Variants in FERRY3 observed in about 807,000 individuals in gnomAD.
The protein encoded by FERRY3 is protein C12orf4.
the FERRY3 span, among the ~76,000 whole-genome samples, chr12:4,520,166 TTAGAA>T: frequency 6.6e-6 from 1 of 152,174 alleles, no homozygotes; most frequent in Non-Finnish European, 1.5e-5. Context: ...GCATATCAAG[TTAGAA>T]TAGGTCGGAG....
chr12:4,533,492 T>C, the FERRY3 span, among the ~76,000 whole-genome samples: 1 of 152,186 alleles, frequency 6.6e-6, no homozygotes, highest in Non-Finnish European at 1.5e-5. Flanking sequence ...ATAAATACAA[T>C]GGATATTTTT....
At chr12:4,502,916 G>A in the FERRY3 span, among the ~76,000 whole-genome samples, 5 of 152,256 alleles carry the variant, frequency 3.3e-5, no homozygotes, top group Admixed American at 6.5e-5. This position sits in a 1 kb window ranked among gnomAD's most constrained non-coding sequence, Gnocchi z 4.2. Context: ...AAGAAAATTC[G>A]TGAGGAATAG....
the FERRY3 span, among the ~76,000 whole-genome samples, chr12:4,506,694 T>C: frequency 1.3e-5 from 2 of 152,170 alleles, no homozygotes; most frequent in African/African-American, 4.8e-5. Context: ...CCTTGTTTAG[T>C]AATAGTAAGA....
the FERRY3 span, among the ~76,000 whole-genome samples, chr12:4,496,336 T>C: frequency 2.6e-5 from 4 of 152,190 alleles, no homozygotes; most frequent in African/African-American, 7.2e-5. Context: ...AGGAGCTCAC[T>C]TCTGGAAACA....
chr12:4,500,094 G>T, the FERRY3 span: 1 of 1,536,038 alleles, frequency 6.5e-7, no homozygotes, highest in Non-Finnish European at 9.0e-7. Context: ...TCAATATTAT[G>T]ATTATGTAAA....
the FERRY3 span, among the ~76,000 whole-genome samples, chr12:4,503,899 A>G: frequency 6.6e-6 from 1 of 152,254 alleles, no homozygotes; most frequent in African/African-American, 2.4e-5. Context: ...CTTCCAGAGT[A>G]GTAATAAGAT....
chr12:4,511,164 G>A, the FERRY3 span, among the ~76,000 whole-genome samples: 6 of 151,372 alleles, frequency 4.0e-5, no homozygotes, highest in African/African-American at 1.5e-4. Flanking sequence ...TAATGGTAAA[G>A]GGATCAATTC....
the FERRY3 span, among the ~76,000 whole-genome samples, chr12:4,514,196 T>C: frequency 6.6e-6 from 1 of 151,074 alleles, no homozygotes; most frequent in Non-Finnish European, 1.5e-5. Flanking sequence ...CACAATGAGA[T>C]ACCATCTCAC....
chr12:4,509,659 G>T, the FERRY3 span, among the ~76,000 whole-genome samples: 2 of 143,506 alleles, frequency 1.4e-5, no homozygotes, highest in Admixed American at 6.8e-5. Flanking sequence ...ACACGGCAGG[G>T]TATTCCAACA....
At chr12:4,516,057 T>A in the FERRY3 span, among the ~76,000 whole-genome samples, 2 of 152,162 alleles carry the variant, frequency 1.3e-5, no homozygotes, top group Admixed American at 6.5e-5. Context: ...GATTTTTTTT[T>A]AAAAGAACCA....
At chr12:4,517,984 G>A in the FERRY3 span, 1 of 1,400,458 alleles carries the variant, frequency 7.1e-7, no homozygotes, top group Non-Finnish European at 9.9e-7. Flanking sequence ...CATTTTCCCT[G>A]TAATTCCTTT....
the FERRY3 span, among the ~76,000 whole-genome samples, chr12:4,507,683 A>G: frequency 6.6e-6 from 1 of 152,260 alleles, no homozygotes; most frequent in African/African-American, 2.4e-5. Flanking sequence ...GATTAATAAC[A>G]GGATATCCTG....
the FERRY3 span, chr12:4,502,283 G>A: frequency 2.7e-6 from 1 of 369,944 alleles, no homozygotes; most frequent in East Asian, 7.9e-5. The surrounding 1 kb of genome is among the most constrained non-coding windows in gnomAD (Gnocchi z 4.2). Flanking sequence ...TTTGTTAAAT[G>A]TTCTATCTTT....
At chr12:4,513,762 T>C in the FERRY3 span, among the ~76,000 whole-genome samples, 1 of 152,128 alleles carries the variant, frequency 6.6e-6, no homozygotes, top group African/African-American at 2.4e-5. Context: ...ATTAAAGATT[T>C]AAACGTTAGA....
the FERRY3 span, among the ~76,000 whole-genome samples, chr12:4,531,418 C>T: frequency 6.6e-6 from 1 of 152,176 alleles, no homozygotes; most frequent in African/African-American, 2.4e-5. Context: ...GCCCCACTAC[C>T]AGATCATCTA....
At chr12:4,495,024 A>G in the FERRY3 span, among the ~76,000 whole-genome samples, 1 of 152,188 alleles carries the variant, frequency 6.6e-6, no homozygotes, top group Non-Finnish European at 1.5e-5. Flanking sequence ...ATCACTTTTC[A>G]TAACATCTTT....
At chr12:4,503,314 C>T in the FERRY3 span, among the ~76,000 whole-genome samples, 1 of 152,126 alleles carries the variant, frequency 6.6e-6, no homozygotes, top group Non-Finnish European at 1.5e-5. Context: ...AGCACATTGG[C>T]TGAGTGATCT....
At chr12:4,527,429 T>C in the FERRY3 span, among the ~76,000 whole-genome samples, 1,761 of 152,234 alleles carry the variant, frequency 0.012, 35 homozygotes, top group African/African-American at 0.04. Flanking sequence ...TGGCTCAGTA[T>C]GTGAGATGTG....
chr12:4,493,938 C>G, the FERRY3 span, among the ~76,000 whole-genome samples: 1 of 151,996 alleles, frequency 6.6e-6, no homozygotes, highest in Non-Finnish European at 1.5e-5. Flanking sequence ...ACTAAAAATA[C>G]AAAAATTAGC....
Sources: gnomAD v4.1 joint callset for allele counts (sites outside exome capture counted in the v4.1 genomes callset) on GRCh38, gnomAD v4.1.1 for gene constraint, Gnocchi (gnomAD v3.1) non-coding constraint, MANE v1.5 for transcripts, NCBI Gene and HGNC (gene_info 2026-07-23, HGNC 2026-07-21) for gene names.